KCNH1: variants seen among roughly 807,000 people sequenced by gnomAD.
KCNH1 encodes voltage-gated delayed rectifier potassium channel KCNH1.
KCNH1 carries 27 observed loss-of-function variants against 69.2 expected under a neutral mutation model. The observed-to-expected ratio is 0.39, with a 90% CI of 0.29 to 0.54. KCNH1 has a LOEUF of 0.54. Among genes scored for constraint, KCNH1 ranks in the 20% least tolerant of loss-of-function variants. KCNH1 has a pLI of 0.68. For missense variants in KCNH1, 798 were observed against 1,261.6 expected, an observed-to-expected ratio of 0.63 and a Z score of 5.57; for synonymous variants, 456 against 487.7, an observed-to-expected ratio of 0.93 and a Z score of 0.86.
At chr1:211,104,241 T>A (rs1471208283) in intron 2 of KCNH1, among the ~76,000 whole-genome samples, 1 of 152,144 alleles carries the variant, frequency 6.6e-6, no homozygotes, top group Non-Finnish European at 1.5e-5. Context: ...TTGAAAGCAA[T>A]GGGAGCACAA....
chr1:210,935,021 A>G (rs558347209), intron 6 of KCNH1, among the ~76,000 whole-genome samples: 2 of 152,134 alleles, frequency 1.3e-5, no homozygotes, highest in South Asian at 4.2e-4. Flanking sequence ...AGTATGTCAA[A>G]GAGATAGCTG....
chr1:210,801,135 C>A (rs1007045039), intron 8 of KCNH1, among the ~76,000 whole-genome samples: 1 of 152,140 alleles, frequency 6.6e-6, no homozygotes, highest in Non-Finnish European at 1.5e-5. Flanking sequence ...AAGGTCATAG[C>A]CAAAAGGGCT....
chr1:211,003,859 C>T (rs757063962), intron 6 of KCNH1, among the ~76,000 whole-genome samples: 8 of 151,952 alleles, frequency 5.3e-5, no homozygotes, highest in South Asian at 2.1e-4. Context: ...TTTGGGAGGC[C>T]GAGGCAGGCG....
chr1:210,688,433 C>A (rs1053071968), intron 10 of KCNH1, among the ~76,000 whole-genome samples: 1 of 152,192 alleles, frequency 6.6e-6, no homozygotes. Context: ...CTATAGCCAT[C>A]CCCCTGTTTG....
At chr1:211,103,269 G>A (rs1327314221) in intron 3 of KCNH1, among the ~76,000 whole-genome samples, 1 of 152,208 alleles carries the variant, frequency 6.6e-6, no homozygotes, top group Non-Finnish European at 1.5e-5. Flanking sequence ...CAACAATATA[G>A]ATGAAGAAGG....
chr1:211,048,456 G>A (rs1690132510), intron 5 of KCNH1, among the ~76,000 whole-genome samples: 2 of 152,032 alleles, frequency 1.3e-5, no homozygotes, highest in South Asian at 4.1e-4. Flanking sequence ...TCAACAAATG[G>A]ATAAAGAAAA....
In KCNH1 at chr1:210,971,611, C is replaced by T. The variant is rs191696927; in HGVS notation, c.1032+47172G>A. ...AAAATATTACACAATGTTGTGCTAC[C>T]GTGCATCTCTTCCTAACAGATATTC... On this transcript the variant is annotated intron_variant, in intron 6 of 10. Transcript: ENST00000271751. 1.2e-4 allele frequency among the ~76,000 whole-genome samples: 18 copies of T among 152,168 alleles called. No homozygotes were observed. The East Asian group carries it at 2.3e-3, about 20-fold the overall frequency.
chr1:210,957,872 G>C (rs1574361219), intron 6 of KCNH1, among the ~76,000 whole-genome samples: 2 of 152,086 alleles, frequency 1.3e-5, no homozygotes, highest in Admixed American at 6.5e-5. Context: ...TATCCAATTT[G>C]CCAGTCTGTG....
intron 5 of KCNH1, among the ~76,000 whole-genome samples, chr1:211,048,608 A>T (rs913523761): frequency 6.6e-6 from 1 of 152,188 alleles, no homozygotes; most frequent in Non-Finnish European, 1.5e-5. Flanking sequence ...AAAACCAAAC[A>T]TCGTATGTTC....
chr1:210,909,558 C>T (rs981808476), intron 7 of KCNH1, among the ~76,000 whole-genome samples: 116 of 152,180 alleles, frequency 7.6e-4, no homozygotes, highest in African/African-American at 2.9e-4. Context: ...GAAGAAGAAA[C>T]GGGCCCAGGA....
chr1:211,005,421 T>G (rs1361179273), intron 6 of KCNH1, among the ~76,000 whole-genome samples: 1 of 152,030 alleles, frequency 6.6e-6, no homozygotes, highest in African/African-American at 2.4e-5. Flanking sequence ...TACAAACAAA[T>G]CAGTGAAAAA....
intron 1 of KCNH1, among the ~76,000 whole-genome samples, chr1:211,123,160 C>T (rs966985330): frequency 1.3e-5 from 2 of 152,138 alleles, no homozygotes; most frequent in Non-Finnish European, 2.9e-5. Flanking sequence ...ATCTGCCCCA[C>T]TCTACATATC....
intron 7 of KCNH1, among the ~76,000 whole-genome samples, chr1:210,872,818 A>G (rs939080304): frequency 5.3e-5 from 8 of 152,142 alleles, no homozygotes; most frequent in Non-Finnish European, 1.5e-5. Flanking sequence ...CCCACCACCA[A>G]TAGTGGGGAT....
intron 9 of KCNH1, among the ~76,000 whole-genome samples, chr1:210,788,111 G>A (rs1261006910): frequency 6.6e-6 from 1 of 152,192 alleles, no homozygotes; most frequent in Non-Finnish European, 1.5e-5. Context: ...GATTGCTATG[G>A]ATGAGAACAT....
rs555910738 is a variant in KCNH1 at position 210,792,482 on chromosome 1, C to T, written c.1915+5026G>A. 3.9e-5 allele frequency among the ~76,000 whole-genome samples: 6 copies of T among 152,162 alleles called. No individual in the cohort carries two copies. The East Asian group carries it at 1.2e-3, about 29-fold the overall frequency. The stretch of plus-strand genomic sequence containing the variant: ...AAGAAATCAAAGAGTCTGGGGCTCA[C>T]AGGAGAGTGGGAAGTAAACATGCAA... On this transcript the variant is annotated intron_variant, in intron 9 of 10. Transcript: ENST00000271751.
intron 10 of KCNH1, among the ~76,000 whole-genome samples, chr1:210,765,800 G>A (rs780412769): frequency 3.9e-5 from 6 of 152,208 alleles, no homozygotes; most frequent in Non-Finnish European, 8.8e-5. Context: ...GGTGGCTCAT[G>A]CCTGTAATCC....
intron 7 of KCNH1, among the ~76,000 whole-genome samples, chr1:210,898,702 A>G (rs2102532495): frequency 6.6e-6 from 1 of 150,718 alleles, no homozygotes; most frequent in East Asian, 1.9e-4. Flanking sequence ...CCTGTCAACC[A>G]CCTTTTACAG....
chr1:211,045,093 G>GGAAT (rs71134653), intron 5 of KCNH1, among the ~76,000 whole-genome samples: 27,878 of 114,966 alleles, frequency 0.24, 3,209 homozygotes, highest in Middle Eastern at 0.3. Flanking sequence ...CAATAAAAAG[G>GGAAT]GAATGAATTA....
rs764526482 is a variant in KCNH1 at position 210,744,436 on chromosome 1, G to T, written c.2112+30912C>A. ...CTAGGCAGGCGGATCACGAGGTCAG[G>T]AGTTCAAGACTAGCCTGACCAACAT... On this transcript the variant is annotated intron_variant, in intron 10 of 10. Coordinates refer to ENST00000271751, the MANE Select transcript of KCNH1 (RefSeq NM_172362.3). Among the ~76,000 whole-genome samples the T allele has an allele frequency of 3.1e-4, 47 of 152,236 alleles. 1 individual carries two copies. The highest frequency in any genetic ancestry group is 1.5e-3 in the South Asian group (7 of 4,818).
Sources: allele counts gnomAD v4.1 joint callset (sites outside exome capture counted in the v4.1 genomes callset), GRCh38; gene constraint gnomAD v4.1.1; transcripts MANE v1.5; gene names NCBI Gene and HGNC (gene_info 2026-07-23, HGNC 2026-07-21).